Variants in C8orf34 observed in about 807,000 individuals in gnomAD.
C8orf34 encodes chromosome 8 open reading frame 34.
Under a neutral mutation model 68.3 loss-of-function variants are expected in C8orf34, and 65 were observed. The ratio of observed to expected loss-of-function variants is 0.95; its 90% confidence interval spans 0.78 to 1.17. The LOEUF is 1.17. Ranked by LOEUF, C8orf34 falls within the 50% of genes most tolerant of loss-of-function variation. C8orf34 has a pLI of 0.00. For missense variants in C8orf34, 664 were observed against 655.4 expected, an observed-to-expected ratio of 1.01 and a Z score of -0.14; for synonymous variants, 244 against 241.2, an observed-to-expected ratio of 1.01 and a Z score of -0.11.
At chr8:68,711,428 A>T (rs1214570583) in intron 9 of C8orf34, among the ~76,000 whole-genome samples, 1 of 152,180 alleles carries the variant, frequency 6.6e-6, no homozygotes, top group African/African-American at 2.4e-5. Context: ...AATTCAGGAT[A>T]TGGAAGGAAA....
At chr8:68,331,458 G>T in intron 1 of C8orf34, 119 bp downstream of exon 1, 2 of 1,125,872 alleles carry the variant, frequency 1.8e-6, no homozygotes, top group Non-Finnish European at 2.6e-6. Context: ...ACCAACGCGC[G>T]GGAGAGGGCG....
intron 12 of C8orf34, among the ~76,000 whole-genome samples, chr8:68,793,028 C>T (rs1394681739): frequency 3.3e-5 from 5 of 151,888 alleles, no homozygotes; most frequent in East Asian, 1.9e-4. Flanking sequence ...GTACAATCTC[C>T]ACAAGAGAAA....
intron 1 of C8orf34, among the ~76,000 whole-genome samples, chr8:68,344,898 T>G (rs904892525): frequency 2.0e-5 from 3 of 152,100 alleles, no homozygotes; most frequent in African/African-American, 7.2e-5. Flanking sequence ...ACATACGTGT[T>G]GAAAATTTAA....
chr8:68,394,729 G>A (rs576489214), intron 1 of C8orf34, among the ~76,000 whole-genome samples: 1 of 151,892 alleles, frequency 6.6e-6, no homozygotes. Flanking sequence ...AGCTAGTTCC[G>A]TAATTTAGTA....
At chr8:68,774,944 T>TAAAA (rs1224756627) in intron 10 of C8orf34, among the ~76,000 whole-genome samples, 564 of 44,674 alleles carry the variant, frequency 0.013, 67 homozygotes, top group African/African-American at 0.053. Flanking sequence ...CTGTCTCCAC[T>TAAAA]AAAAAAAAAA....
At chr8:68,673,599 G>A (rs1820087344) in intron 8 of C8orf34, among the ~76,000 whole-genome samples, 1 of 152,098 alleles carries the variant, frequency 6.6e-6, no homozygotes, top group South Asian at 2.1e-4. Context: ...CTTGTGACTT[G>A]GGTGCTAGCT....
chr8:68,731,075 T>C (rs1821964349), intron 10 of C8orf34, among the ~76,000 whole-genome samples: 1 of 152,156 alleles, frequency 6.6e-6, no homozygotes, highest in Non-Finnish European at 1.5e-5. Flanking sequence ...CTATGACTTG[T>C]GCAGGATGTG....
At chr8:68,803,477 CG>C (rs1824391901) in intron 12 of C8orf34, among the ~76,000 whole-genome samples, 1 of 151,650 alleles carries the variant, frequency 6.6e-6, no homozygotes, top group African/African-American at 2.4e-5. Context: ...GGCTTTGAAA[CG>C]TAAGAAAAAT....
chr8:68,442,881 G>T (rs1218568610), intron 2 of C8orf34, among the ~76,000 whole-genome samples: 1 of 152,202 alleles, frequency 6.6e-6, no homozygotes, highest in Non-Finnish European at 1.5e-5. Flanking sequence ...AAAAGACTAT[G>T]CCACTGTCTG....
At chr8:68,598,393 C>A (rs1817606511) in intron 7 of C8orf34, among the ~76,000 whole-genome samples, 1 of 152,084 alleles carries the variant, frequency 6.6e-6, no homozygotes, top group African/African-American at 2.4e-5. Flanking sequence ...ACCGAGGGTT[C>A]TTGGGGACCC....
At chr8:68,672,052 T>C (rs2130844180) in intron 8 of C8orf34, among the ~76,000 whole-genome samples, 1 of 152,276 alleles carries the variant, frequency 6.6e-6, no homozygotes, top group Non-Finnish European at 1.5e-5. Context: ...ATGTATAAAA[T>C]ATATGAGAAA....
intron 12 of C8orf34, among the ~76,000 whole-genome samples, chr8:68,813,369 G>GTT (rs769126924): frequency 2.6e-4 from 37 of 143,662 alleles, no homozygotes; most frequent in African/African-American, 3.0e-4. Context: ...AGATAATTCT[G>GTT]TTTTTTTTTT....
rs568946746 is a variant in C8orf34 at position 68,434,957 on chromosome 8, G to A, written c.328-4542G>A. Among the ~76,000 whole-genome samples, 125 of 151,714 alleles carry A rather than the reference G, an allele frequency of 8.2e-4. 1 individual carries two copies. The highest frequency in any genetic ancestry group is 1.1e-3 in the Non-Finnish European group (74 of 67,934). On this transcript the variant is annotated intron_variant, in intron 1 of 13. Coordinates refer to ENST00000518698, the MANE Select transcript of C8orf34 (RefSeq NM_052958.4). Reference sequence around the variant, plus strand: ...CCAGCTACTCAGGAGGCTGAGGCAGGAGAATCACTTGAACCCAGGAAGCAG... The same window carrying A: ...CCAGCTACTCAGGAGGCTGAGGCAGAAGAATCACTTGAACCCAGGAAGCAG...
intron 3 of C8orf34, among the ~76,000 whole-genome samples, chr8:68,457,748 G>A (rs1458789929): frequency 1.3e-5 from 2 of 152,080 alleles, no homozygotes; most frequent in Admixed American, 1.3e-4. Flanking sequence ...ACTAGAGTGA[G>A]CTCTGCGTCA....
intron 1 of C8orf34, among the ~76,000 whole-genome samples, chr8:68,351,401 AT>A (rs1806507660): frequency 6.6e-6 from 1 of 151,842 alleles, no homozygotes; most frequent in Non-Finnish European, 1.5e-5. Flanking sequence ...TATTTCTTTC[AT>A]TTTGACCTTG....
intron 11 of C8orf34, among the ~76,000 whole-genome samples, chr8:68,784,802 A>ATGTGTG (rs113788548): frequency 1.4e-3 from 202 of 144,498 alleles, no homozygotes; most frequent in East Asian, 6.0e-3. Flanking sequence ...ATGTGTGTGT[A>ATGTGTG]TGTGTGTGTG....
Position 68,816,920 on chromosome 8 carries a change from G to T in C8orf34, c.1609+975G>T, listed in dbSNP as rs943894162. ...TAGAAAGCTATGAATCCATTATGAA[G>T]GATGAGATATATATTAAGGATATAG... On this transcript the variant is annotated intron_variant, in intron 13 of 13. Transcript: ENST00000518698. Among the ~76,000 whole-genome samples the T allele has an allele frequency of 2.0e-5, 3 of 152,096 alleles. No individual in the cohort carries two copies. The East Asian group carries it at 5.8e-4, about 29-fold the overall frequency.
intron 2 of C8orf34, among the ~76,000 whole-genome samples, chr8:68,440,292 T>C (rs2676635): frequency 0.91 from 138,778 of 152,224 alleles, 63,433 homozygotes; most frequent in South Asian, 0.96. Flanking sequence ...CTTGGGTAAC[T>C]AACTTCTTGT....
At chr8:68,533,255 AAAG>A in intron 7 of C8orf34, 106 bp downstream of exon 7, 1 of 1,434,296 alleles carries the variant, frequency 7.0e-7, no homozygotes, top group Non-Finnish European at 9.1e-7. Flanking sequence ...GTCTTAGGGA[AAAG>A]AAACCATTTA....
Sources: allele counts gnomAD v4.1 joint callset (sites outside exome capture counted in the v4.1 genomes callset), GRCh38; gene constraint gnomAD v4.1.1; transcripts MANE v1.5; gene names NCBI Gene and HGNC (gene_info 2026-07-23, HGNC 2026-07-21).